The following PTPRD variants were observed in gnomAD, a reference collection of about 807,000 sequenced individuals.
The protein encoded by PTPRD is protein tyrosine phosphatase receptor type D.
In PTPRD, 34 loss-of-function variants were observed where a neutral mutation model predicts 214.5. The ratio of observed to expected loss-of-function variants is 0.16; its 90% confidence interval spans 0.12 to 0.21. The LOEUF (loss-of-function observed/expected upper bound fraction) is 0.21, where lower values mean the gene tolerates loss of function less well. Among genes scored for constraint, PTPRD ranks in the 10% least tolerant of loss-of-function variants. PTPRD has a pLI of 1.00. For missense variants in PTPRD, 2,545 were observed against 2,398.7 expected (o/e 1.06, Z -1.27); for synonymous variants, 1,128 against 845.7 (o/e 1.33, Z -5.79).
At chr9:10,059,032 G>A (rs1327174671) in intron 3 of PTPRD, among the ~76,000 whole-genome samples, 2 of 152,080 alleles carry the variant, frequency 1.3e-5, no homozygotes, top group African/African-American at 4.8e-5. Context: ...GAACATGTAT[G>A]TACATGCTAA....
intron 2 of PTPRD, among the ~76,000 whole-genome samples, chr9:10,370,715 C>T (rs2097594696): frequency 6.6e-6 from 1 of 151,854 alleles, no homozygotes; most frequent in Non-Finnish European, 1.5e-5. Flanking sequence ...AGAATTTTTT[C>T]TTAAATATTA....
intron 9 of PTPRD, among the ~76,000 whole-genome samples, chr9:9,380,952 A>G (rs1215356786): frequency 6.6e-6 from 1 of 152,128 alleles, no homozygotes; most frequent in African/African-American, 2.4e-5. Context: ...TTTATTCCTG[A>G]TACATTTATT....
intron 12 of PTPRD, among the ~76,000 whole-genome samples, chr9:8,644,194 TG>T (rs1430812109): frequency 6.6e-6 from 1 of 151,514 alleles, no homozygotes; most frequent in Non-Finnish European, 1.5e-5. Context: ...ACTGAGGACT[TG>T]CTTAACAGAG....
intron 20 of PTPRD, 149 bp downstream of exon 20, chr9:8,521,128 T>C (rs2097883314): frequency 3.4e-5 from 33 of 963,558 alleles, no homozygotes; most frequent in Non-Finnish European, 4.9e-5. Context: ...ATGCATGTTA[T>C]ATAATACCAC....
chr9:9,894,356 T>G (rs56314665), intron 5 of PTPRD, among the ~76,000 whole-genome samples: 1 of 152,216 alleles, frequency 6.6e-6, no homozygotes, highest in South Asian at 2.1e-4. Context: ...TAAAGGATCC[T>G]GAAGGCCCTG....
At chr9:9,022,809 T>C (rs2099574417) in intron 10 of PTPRD, among the ~76,000 whole-genome samples, 2 of 152,170 alleles carry the variant, frequency 1.3e-5, no homozygotes, top group Admixed American at 6.6e-5. Context: ...AAAATCTATA[T>C]TGGAATATTC....
At chr9:10,040,306 C>G (rs1028901198) in intron 3 of PTPRD, among the ~76,000 whole-genome samples, 1 of 151,966 alleles carries the variant, frequency 6.6e-6, no homozygotes, top group Non-Finnish European at 1.5e-5. Context: ...CTGGATGTAG[C>G]TTTGAATAAA....
chr9:9,535,239 A>C (rs1336770106), intron 8 of PTPRD, among the ~76,000 whole-genome samples: 2 of 152,052 alleles, frequency 1.3e-5, no homozygotes, highest in Non-Finnish European at 2.9e-5. Context: ...GAAAACTTTG[A>C]CTGAAGATGT....
intron 34 of PTPRD, among the ~76,000 whole-genome samples, chr9:8,440,046 C>G (rs1167982715): frequency 7.0e-6 from 1 of 142,464 alleles, no homozygotes; most frequent in Admixed American, 7.6e-5. Flanking sequence ...TTCCTCAGCA[C>G]TGGCTCTTAG....
rs771197036 is a variant in PTPRD, at chr9:9,551,056, TA to T, written c.-237+23675del. On this transcript the variant is annotated intron_variant, in intron 8 of 45. Coordinates refer to ENST00000381196, the MANE Select transcript of PTPRD (RefSeq NM_002839.4). Reference sequence around the variant, plus strand: ...AATTTATCATGCAAATTTAATCATGTAAATACTACATGACCCCATAGTTACA... The same window carrying T: ...AATTTATCATGCAAATTTAATCATGTAATACTACATGACCCCATAGTTACA... 4.9e-4 allele frequency among the ~76,000 whole-genome samples: 74 copies of T among 152,096 alleles called. 1 individual carries two copies. The highest frequency in any genetic ancestry group is 9.0e-4 in the Non-Finnish European group (61 of 67,934).
intron 31 of PTPRD, among the ~76,000 whole-genome samples, chr9:8,465,965 TTCTC>T (rs1388467670): frequency 6.6e-6 from 1 of 151,876 alleles, no homozygotes; most frequent in Non-Finnish European, 1.5e-5. Flanking sequence ...ACTAATGAAA[TTCTC>T]TCAAAGTGCA....
chr9:8,978,875 C>G (rs1281981029), intron 11 of PTPRD, among the ~76,000 whole-genome samples: 2 of 152,106 alleles, frequency 1.3e-5, no homozygotes, highest in African/African-American at 4.8e-5. Flanking sequence ...GCTAATGATT[C>G]CTGAAAACGT....
chr9:8,677,837 G>A (rs1465879263), intron 12 of PTPRD, among the ~76,000 whole-genome samples: 1 of 152,100 alleles, frequency 6.6e-6, no homozygotes, highest in Non-Finnish European at 1.5e-5. Flanking sequence ...ACTCACTTGG[G>A]AAGCGAGCAA....
chr9:9,053,041 A>G (rs1275940158), intron 10 of PTPRD, among the ~76,000 whole-genome samples: 1 of 152,198 alleles, frequency 6.6e-6, no homozygotes, highest in Non-Finnish European at 1.5e-5. Flanking sequence ...GGAAAAATAT[A>G]GTATCAGAAT....
intron 11 of PTPRD, chr9:8,861,727 GTTTTC>G (rs2098110793): frequency 1.3e-5 from 2 of 152,156 alleles, no homozygotes; most frequent in African/African-American, 4.8e-5. Flanking sequence ...TGCTAATCAT[GTTTTC>G]TTTGTGAGGA....
chr9:9,361,185 A>G (rs896542198), intron 9 of PTPRD, among the ~76,000 whole-genome samples: 1 of 151,186 alleles, frequency 6.6e-6, no homozygotes, highest in Non-Finnish European at 1.5e-5. Context: ...CAATTGTAAT[A>G]GGAACTTAAA....
intron 10 of PTPRD, among the ~76,000 whole-genome samples, chr9:9,140,684 T>C (rs541508203): frequency 2.6e-5 from 4 of 152,220 alleles, no homozygotes; most frequent in Non-Finnish European, 5.9e-5. Context: ...GTTCACGCCA[T>C]TCTCCTGCCT....
intron 3 of PTPRD, among the ~76,000 whole-genome samples, chr9:10,196,265 G>C (rs1397443000): frequency 6.6e-6 from 1 of 152,114 alleles, no homozygotes; most frequent in Non-Finnish European, 1.5e-5. Flanking sequence ...CCAGTGTAAA[G>C]ATTGACATAC....
intron 26 of PTPRD, among the ~76,000 whole-genome samples, chr9:8,495,654 G>A (rs1486233467): frequency 1.3e-5 from 2 of 152,130 alleles, no homozygotes; most frequent in Non-Finnish European, 2.9e-5. Context: ...TTTAAAGCAT[G>A]GTTCTATAAA....
Sources: gnomAD v4.1 joint callset for allele counts (sites outside exome capture counted in the v4.1 genomes callset) on GRCh38, gnomAD v4.1.1 for gene constraint, MANE v1.5 for transcripts, NCBI Gene and HGNC (gene_info 2026-07-23, HGNC 2026-07-21) for gene names.